The following SEMA6D variants were observed in gnomAD, a reference collection of about 807,000 sequenced individuals.
SEMA6D encodes semaphorin-6D.
A neutral mutation model predicts 106.6 loss-of-function variants in SEMA6D; 35 were observed. That is an observed-to-expected ratio of 0.33 (90% confidence interval 0.25 to 0.44). SEMA6D has a LOEUF of 0.44. SEMA6D is among the 20% of genes least tolerant of loss of function. SEMA6D has a pLI of 1.00. For synonymous variants in SEMA6D, 499 were observed against 487.7 expected (o/e 1.02, Z -0.31); for missense variants, 1,185 against 1,345.9 (o/e 0.88, Z 1.87).
chr15:47,533,865 A>G (rs1458768585), intron 3 of SEMA6D, among the ~76,000 whole-genome samples: 1 of 152,238 alleles, frequency 6.6e-6, no homozygotes, highest in African/African-American at 2.4e-5. Context: ...TGAATGTGCT[A>G]TGGTTCCTCT....
intron 3 of SEMA6D, among the ~76,000 whole-genome samples, chr15:47,525,871 A>AAAAAAC (rs1419457615): frequency 1.3e-5 from 2 of 152,178 alleles, no homozygotes; most frequent in Non-Finnish European, 2.9e-5. Context: ...AAAGAGTGAC[A>AAAAAAC]AAAAACAAAA....
intron 1 of SEMA6D, among the ~76,000 whole-genome samples, chr15:47,186,217 T>G (rs988529946): frequency 6.6e-6 from 1 of 152,150 alleles, no homozygotes; most frequent in Non-Finnish European, 1.5e-5. Flanking sequence ...TGTATCAATC[T>G]GATGAAGCCT....
chr15:47,323,110 C>T (rs965904937), intron 1 of SEMA6D, among the ~76,000 whole-genome samples: 17 of 151,976 alleles, frequency 1.1e-4, no homozygotes, highest in Non-Finnish European at 2.1e-4. Flanking sequence ...TTCATATTGT[C>T]TATGTAAGTG....
intron 3 of SEMA6D, among the ~76,000 whole-genome samples, chr15:47,593,669 T>C (rs921408524): frequency 1.3e-5 from 2 of 152,120 alleles, no homozygotes; most frequent in African/African-American, 2.4e-5. Context: ...ACTAGGTAAT[T>C]TATAAAGAAA....
At chr15:47,191,039 C>T (rs898185553) in intron 1 of SEMA6D, among the ~76,000 whole-genome samples, 6 of 152,032 alleles carry the variant, frequency 3.9e-5, no homozygotes, top group African/African-American at 1.4e-4. Context: ...CGGGTGCAGT[C>T]ATACACGCCT....
chr15:47,207,993 GCACACACACACA>G (rs57079521), intron 1 of SEMA6D, among the ~76,000 whole-genome samples: 3,032 of 89,420 alleles, frequency 0.034, 86 homozygotes, highest in African/African-American at 0.064. Context: ...TGGCGCGCGC[GCACACACACACA>G]CACACACACA....
intron 1 of SEMA6D, among the ~76,000 whole-genome samples, chr15:47,227,997 T>C (rs2031892243): frequency 8.6e-6 from 1 of 115,618 alleles, no homozygotes; most frequent in Non-Finnish European, 1.8e-5. Context: ...GATTCTTATA[T>C]ATTTTATATA....
chr15:47,653,348 T>C (rs1332329642), intron 4 of SEMA6D, among the ~76,000 whole-genome samples: 1 of 152,190 alleles, frequency 6.6e-6, no homozygotes, highest in Non-Finnish European at 1.5e-5. Context: ...TCTTCAAATA[T>C]GCAATGAAAA....
In SEMA6D at chr15:47,431,682, C is replaced by T. The variant is rs939235386; in HGVS notation, c.-159+19210C>T. Among the ~76,000 whole-genome samples the T allele has an allele frequency of 4.6e-5, 7 of 152,032 alleles. No homozygotes were observed. In the East Asian group the frequency reaches 1.2e-3, roughly 25 times the overall value. ...GTGCATATGAGTGAATCAGGCTGGT[C>T]CCAATTCCAAGGCCACCCACAAAAA... On this transcript the variant is annotated intron_variant, in intron 2 of 19. Coordinates refer to the SEMA6D transcript ENST00000558014.
intron 4 of SEMA6D, among the ~76,000 whole-genome samples, chr15:47,710,950 C>T (rs1053577702): frequency 6.6e-6 from 1 of 152,176 alleles, no homozygotes; most frequent in Non-Finnish European, 1.5e-5. Flanking sequence ...TCAAATGAAT[C>T]AGATAATGTT....
At chr15:47,520,231 C>T (rs1434013257) in intron 3 of SEMA6D, among the ~76,000 whole-genome samples, 1 of 152,170 alleles carries the variant, frequency 6.6e-6, no homozygotes, top group Admixed American at 6.5e-5. Context: ...TTAAGACTTA[C>T]TCTAAAGAAT....
At chr15:47,733,155 C>G (rs904470114) in intron 1 of SEMA6D, among the ~76,000 whole-genome samples, 3 of 152,184 alleles carry the variant, frequency 2.0e-5, no homozygotes, top group Non-Finnish European at 4.4e-5. Context: ...GTGATAAATT[C>G]TGTATCTACT....
chr15:47,220,208 A>C (rs2031063890), intron 1 of SEMA6D, among the ~76,000 whole-genome samples: 4 of 152,172 alleles, frequency 2.6e-5, no homozygotes, highest in Admixed American at 2.6e-4. Context: ...AATGGTATGG[A>C]CACAGGAAGA....
chr15:47,329,655 C>T (rs997239934), intron 1 of SEMA6D, among the ~76,000 whole-genome samples: 2 of 152,138 alleles, frequency 1.3e-5, no homozygotes, highest in Non-Finnish European at 2.9e-5. Flanking sequence ...CCTCCCTTTG[C>T]AGCAGTGTTT....
At chr15:47,440,210 G>A (rs2140753545) in intron 2 of SEMA6D, among the ~76,000 whole-genome samples, 1 of 152,158 alleles carries the variant, frequency 6.6e-6, no homozygotes, top group East Asian at 1.9e-4. Context: ...GAAATACAGG[G>A]ACTTGGCAGA....
At chr15:47,525,870 C>CA (rs2044738628) in intron 3 of SEMA6D, among the ~76,000 whole-genome samples, 2 of 150,988 alleles carry the variant, frequency 1.3e-5, no homozygotes, top group Admixed American at 6.6e-5. Flanking sequence ...AAAAGAGTGA[C>CA]AAAAAACAAA....
At chr15:47,224,867 A>C (rs964500704) in intron 1 of SEMA6D, among the ~76,000 whole-genome samples, 2 of 151,568 alleles carry the variant, frequency 1.3e-5, no homozygotes, top group Admixed American at 1.3e-4. Flanking sequence ...CCTAACTTCT[A>C]CTTGGTTGTT....
chr15:47,200,277 G>T (rs755729848), intron 1 of SEMA6D, among the ~76,000 whole-genome samples: 3 of 152,162 alleles, frequency 2.0e-5, no homozygotes, highest in East Asian at 1.9e-4. Flanking sequence ...TTATTAGCTT[G>T]TTGGGAAGAA....
chr15:47,748,096 G>T (rs2081243689), intron 1 of SEMA6D, among the ~76,000 whole-genome samples: 1 of 152,204 alleles, frequency 6.6e-6, no homozygotes. Flanking sequence ...TTTCTGGTGG[G>T]CAGTTTGTTA....
Sources: gnomAD v4.1 joint callset for allele counts (sites outside exome capture counted in the v4.1 genomes callset) on GRCh38, gnomAD v4.1.1 for gene constraint, MANE v1.5 for transcripts, NCBI Gene and HGNC (gene_info 2026-07-23, HGNC 2026-07-21) for gene names.